Variants in PCDHAC1 observed in about 807,000 individuals in gnomAD.
The protein encoded by PCDHAC1 is protocadherin alpha subfamily C, 1.
Under a neutral mutation model 60.0 loss-of-function variants are expected in PCDHAC1, and 42 were observed. The observed-to-expected ratio is 0.70, with a 90% CI of 0.55 to 0.90. The LOEUF is 0.90. Among genes scored for constraint, PCDHAC1 ranks in the 40% least tolerant of loss-of-function variants. PCDHAC1 has a pLI of 0.00. For synonymous variants in PCDHAC1, 468 were observed against 499.3 expected, an observed-to-expected ratio of 0.94 and a Z score of 0.84; for missense variants, 1,160 against 1,222.3, an observed-to-expected ratio of 0.95 and a Z score of 0.76.
chr5:141,011,876 A>G lies in PCDHAC1; in HGVS notation c.*1939A>G, dbSNP rs2098422094. ...AATTTTGTTATAATGTACAATTTAG[A>G]AGTTTGATTAATTATATTATCTATT... On this transcript the variant is annotated 3_prime_UTR_variant, in exon 4 of 4. Coordinates refer to ENST00000253807, the MANE Select transcript of PCDHAC1 (RefSeq NM_018898.5). 6.5e-6 allele frequency: 1 copy of G among 153,584 alleles called. No individual in the cohort carries two copies. The highest frequency in any genetic ancestry group is 2.4e-5 in the African/African-American group (1 of 41,298). 9.5% of individuals were successfully genotyped at this position (153,584 alleles called of 1,614,324 possible).
intron 1 of PCDHAC1, among the ~76,000 whole-genome samples, chr5:140,965,161 G>A (rs151157194): frequency 1.5e-4 from 23 of 152,334 alleles, no homozygotes; most frequent in African/African-American, 5.5e-4. Flanking sequence ...GAGAAAGGAC[G>A]TTTTAGTGAG....
chr5:140,982,963 A>G (rs2097017646), intron 3 of PCDHAC1, among the ~76,000 whole-genome samples: 1 of 151,972 alleles, frequency 6.6e-6, no homozygotes, highest in South Asian at 2.1e-4. Context: ...AAACCCACCC[A>G]AAGTAGTAAG....
intron 1 of PCDHAC1, among the ~76,000 whole-genome samples, chr5:140,943,803 G>A (rs1429767850): frequency 6.6e-6 from 1 of 152,214 alleles, no homozygotes; most frequent in Non-Finnish European, 1.5e-5. Flanking sequence ...AAGCAAAAGA[G>A]GAAAGTTTGA....
chr5:141,010,327 G>A lies in PCDHAC1; in HGVS notation c.*390G>A. 2 of 1,539,744 alleles carry A rather than the reference G, an allele frequency of 1.3e-6. No individual in the cohort carries two copies. Among genetic ancestry groups the A allele is most frequent in the African/African-American group, 2.8e-5 (2 of 72,602 alleles). ...AAAGTTTTGAGATTGAGCAGCTTGG[G>A]AGTTTGTGGCCACTGGGTATGTGTG... On this transcript the variant is annotated 3_prime_UTR_variant, in exon 4 of 4. Transcript: ENST00000253807.
intron 1 of PCDHAC1, among the ~76,000 whole-genome samples, chr5:140,956,602 G>T (rs541025327): frequency 2.6e-5 from 4 of 152,212 alleles, no homozygotes. Flanking sequence ...GATATCAGCT[G>T]GAAGTTTTCC....
chr5:140,982,623 C>T, intron 3 of PCDHAC1, 60 bp downstream of exon 3: 1 of 1,583,652 alleles, frequency 6.3e-7, no homozygotes, highest in South Asian at 1.2e-5. Context: ...AGATGACCTA[C>T]TTTTGTAAGA....
At chr5:140,970,953 G>A (rs975435719) in intron 1 of PCDHAC1, among the ~76,000 whole-genome samples, 16 of 152,110 alleles carry the variant, frequency 1.1e-4, no homozygotes, top group South Asian at 4.1e-4. Flanking sequence ...AGAAACCATG[G>A]GAGGCAGATT....
intron 1 of PCDHAC1, among the ~76,000 whole-genome samples, chr5:140,941,215 C>CTTTCTTTCTTTCTTTCTT (rs2092888517): frequency 9.6e-6 from 1 of 104,510 alleles, no homozygotes; most frequent in East Asian, 2.4e-4. Flanking sequence ...TTCTTTCTTC[C>CTTTCTTTCTTTCTTTCTT]TTTCTTTCTT....
At chr5:140,978,405 A>G (rs919688095) in intron 1 of PCDHAC1, among the ~76,000 whole-genome samples, 1 of 152,220 alleles carries the variant, frequency 6.6e-6, no homozygotes, top group Non-Finnish European at 1.5e-5. Context: ...TCCCTCTTCA[A>G]TCAGAAAAGA....
chr5:140,955,505 C>T (rs1253768939), intron 1 of PCDHAC1, among the ~76,000 whole-genome samples: 2 of 152,152 alleles, frequency 1.3e-5, no homozygotes, highest in African/African-American at 2.4e-5. Flanking sequence ...TGAAGAAAGA[C>T]GTGTTTGCTT....
At chr5:141,008,751 AG>A (rs1234240078) in intron 3 of PCDHAC1, among the ~76,000 whole-genome samples, 11 of 152,244 alleles carry the variant, frequency 7.2e-5, no homozygotes, top group African/African-American at 2.2e-4. Context: ...CACTGAGGGA[AG>A]GAATTTGGCT....
chr5:140,937,362 C>A lies in PCDHAC1; in HGVS notation c.2433+8037C>A, dbSNP rs151333453. On this transcript the variant is annotated intron_variant, in intron 1 of 3. Coordinates refer to ENST00000253807, the MANE Select transcript of PCDHAC1 (RefSeq NM_018898.5). ...TCTTCCATTTATTTTATTATTTTAT[C>A]TTAATGTTTATGTGTGTGTATGTGT... Among the ~76,000 whole-genome samples the A allele has an allele frequency of 4.1e-4, 62 of 152,138 alleles. No individual in the cohort carries two copies. In the East Asian group the frequency reaches 0.01, roughly 25 times the overall value.
chr5:140,974,394 A>G (rs1554236015), intron 1 of PCDHAC1, among the ~76,000 whole-genome samples: 1 of 152,212 alleles, frequency 6.6e-6, no homozygotes, highest in Non-Finnish European at 1.5e-5. Context: ...CCCATTAGGT[A>G]TGTTCTAAAG....
At chr5:140,933,618 G>T (rs2089270614) in intron 1 of PCDHAC1, among the ~76,000 whole-genome samples, 1 of 151,904 alleles carries the variant, frequency 6.6e-6, no homozygotes, top group African/African-American at 2.4e-5. Flanking sequence ...TTCTTATTAG[G>T]TTAGGCTGGC....
chr5:141,010,193 T>C lies in PCDHAC1; in HGVS notation c.*256T>C, dbSNP rs782116962. Reference sequence around the variant, plus strand: ...CCTAAAAAGCAGACCCAAGTTTCCTTTCTCCTCCGCCGCAAAGGAGAGGCT... The same window carrying C: ...CCTAAAAAGCAGACCCAAGTTTCCTCTCTCCTCCGCCGCAAAGGAGAGGCT... On this transcript the variant is annotated 3_prime_UTR_variant, in exon 4 of 4. Transcript: ENST00000253807. 7.7e-6 allele frequency: 12 copies of C among 1,552,398 alleles called. No individual in the cohort carries two copies. The South Asian group carries it at 1.3e-4, about 17-fold the overall frequency.
intron 3 of PCDHAC1, among the ~76,000 whole-genome samples, chr5:140,988,057 C>T (rs557714672): frequency 6.6e-6 from 1 of 152,188 alleles, no homozygotes; most frequent in Non-Finnish European, 1.5e-5. Context: ...GCACTGTCAA[C>T]ATGAATTTTT....
rs529585383 is a variant in PCDHAC1 at position 140,982,571 on chromosome 5, G to T, written c.2581+8G>T. 243 of 1,613,888 alleles carry T rather than the reference G, an allele frequency of 1.5e-4. 4 individuals carry two copies. The South Asian group carries it at 2.5e-3, about 17-fold the overall frequency. ...TATCCAGTGCAACACCAGGTAAAGAGCTGGGGTCTCTCCATTCTTTCTTGG... is the reference window on the plus strand; with the variant it reads ...TATCCAGTGCAACACCAGGTAAAGATCTGGGGTCTCTCCATTCTTTCTTGG... On this transcript the variant is annotated splice_region_variant and intron_variant, in intron 3 of 3. Transcript: ENST00000253807.
At chr5:140,984,083 A>C (rs2097086103) in intron 3 of PCDHAC1, among the ~76,000 whole-genome samples, 1 of 152,226 alleles carries the variant, frequency 6.6e-6, no homozygotes, top group South Asian at 2.1e-4. Context: ...GATGGAGTGA[A>C]GAAATGATGG....
chr5:141,007,494 G>A (rs538537497), intron 3 of PCDHAC1, among the ~76,000 whole-genome samples: 20 of 152,150 alleles, frequency 1.3e-4, no homozygotes, highest in African/African-American at 4.8e-4. Flanking sequence ...CTTGGACCTA[G>A]GAGGCAGAGA....
Sources: allele counts gnomAD v4.1 joint callset (sites outside exome capture counted in the v4.1 genomes callset), GRCh38; gene constraint gnomAD v4.1.1; transcripts MANE v1.5; gene names NCBI Gene and HGNC (gene_info 2026-07-23, HGNC 2026-07-21).